The following TNKS variants were observed in gnomAD, a reference collection of about 807,000 sequenced individuals.
TNKS encodes tankyrase.
TNKS carries 72 observed loss-of-function variants against 135.8 expected under a neutral mutation model. The observed-to-expected ratio is 0.53, with a 90% confidence interval of 0.44 to 0.64. The LOEUF (loss-of-function observed/expected upper bound fraction) is 0.64. Ranked by LOEUF, TNKS falls within the 30% of genes least tolerant of loss-of-function variation. TNKS has a pLI of 0.00. For synonymous variants in TNKS, 849 were observed against 649.3 expected (o/e 1.31, Z -4.68); for missense variants, 1,769 against 1,674.0 (o/e 1.06, Z -0.99).
chr8:9,751,768 C>T lies in TNKS; in HGVS notation c.2992C>T (p.Pro998Ser). The change falls in exon 19 of 27, where the codon CCT becomes TCT. Residue 998 changes from proline (P) to serine (S), a missense_variant. Pro to Ser is a moderately conservative substitution (Grantham distance 74). Coordinates refer to ENST00000310430, the MANE Select transcript of TNKS (RefSeq NM_003747.3). ...CAGCAGCATAGACAACCTCACTGGC[C>T]CTTTAGCAGAGTTGGCCGTAGGAGG... ...AASSIDNLTG[P>S]LAELAVGGAS... 6.2e-7 allele frequency: 1 copy of T among 1,614,128 alleles called. No individual in the cohort carries two copies. Among genetic ancestry groups the T allele is most frequent in the South Asian group, 1.1e-5 (1 of 91,082 alleles).
Position 9,757,050 on chromosome 8 carries a change from C to T in TNKS, c.3153+4424C>T, listed in dbSNP as rs183660027. Among the ~76,000 whole-genome samples the T allele has an allele frequency of 4.9e-3, 747 of 152,272 alleles. 6 individuals carry two copies. The highest frequency in any genetic ancestry group is 9.1e-3 in the Non-Finnish European group (622 of 68,014). On this transcript the variant is annotated intron_variant, in intron 20 of 26. Coordinates refer to ENST00000310430, the MANE Select transcript of TNKS (RefSeq NM_003747.3). ...GGAGTGCAGTGGCGTGATCTCAGCTCACTGCAACCTCCGCCTCCCAGGTTC... is the reference window on the plus strand; with the variant it reads ...GGAGTGCAGTGGCGTGATCTCAGCTTACTGCAACCTCCGCCTCCCAGGTTC...
At chr8:9,766,774 G>A (rs536738361) in intron 25 of TNKS, among the ~76,000 whole-genome samples, 5 of 152,168 alleles carry the variant, frequency 3.3e-5, no homozygotes, top group South Asian at 2.1e-4. Context: ...ATGAGCCACC[G>A]TGCCCAGCCC....
At position 9,766,437 on chromosome 8, in the gene TNKS, G is replaced by A; in HGVS notation, c.3740+12G>A. 1.3e-6 allele frequency: 2 copies of A among 1,518,804 alleles called. No individual in the cohort carries two copies. The highest frequency in any genetic ancestry group is 1.8e-6 in the Non-Finnish European group (2 of 1,127,080). 94.1% of individuals were successfully genotyped at this position (1,518,804 alleles called of 1,614,324 possible). A position where few individuals can be genotyped will look rare whatever the true frequency, so the allele number is the denominator to read the frequency against. ...TATATATGTCACAGGTAAGCATCTTGCCATTAGTGTAACGTTTCCCACCCC... is the reference window on the plus strand; with the variant it reads ...TATATATGTCACAGGTAAGCATCTTACCATTAGTGTAACGTTTCCCACCCC... On this transcript the variant is annotated intron_variant, in intron 25 of 26. Transcript: ENST00000310430.
chr8:9,775,147 G>A (rs1403633228), intron 26 of TNKS, among the ~76,000 whole-genome samples: 2 of 152,070 alleles, frequency 1.3e-5, no homozygotes, highest in Non-Finnish European at 2.9e-5. Context: ...CAGTATGTGA[G>A]CTTTGCTAGA....
intron 26 of TNKS, 45 bp downstream of exon 26, chr8:9,770,307 C>A: frequency 1.3e-6 from 2 of 1,567,540 alleles, no homozygotes; most frequent in South Asian, 2.3e-5. Flanking sequence ...ACAAACATGT[C>A]AATAGAGCAC....
At chr8:9,584,294 G>A (rs1471856550) in intron 2 of TNKS, among the ~76,000 whole-genome samples, 1 of 151,998 alleles carries the variant, frequency 6.6e-6, no homozygotes, top group Non-Finnish European at 1.5e-5. Flanking sequence ...TCCTTGCTGA[G>A]AGGAATGCGG....
At position 9,678,106 on chromosome 8, in the gene TNKS, C is replaced by T. The variant is rs559151700; in HGVS notation, c.995-1845C>T. On this transcript the variant is annotated intron_variant, in intron 3 of 26. Transcript: ENST00000310430. ...CTGTCTCCTTTAATAGAATAATATTCCTTGAGGTCAGAGATGATAGTGTCT... is the reference window on the plus strand; with the variant it reads ...CTGTCTCCTTTAATAGAATAATATTTCTTGAGGTCAGAGATGATAGTGTCT... Among the ~76,000 whole-genome samples, 13 of 152,220 alleles carry T rather than the reference C, an allele frequency of 8.5e-5. No homozygotes were observed. The East Asian group carries it at 2.1e-3, about 25-fold the overall frequency.
intron 2 of TNKS, among the ~76,000 whole-genome samples, chr8:9,612,808 C>G (rs998309389): frequency 6.6e-6 from 1 of 151,788 alleles, no homozygotes. Context: ...TAATAGCCTA[C>G]TATTGACCAG....
intron 11 of TNKS, among the ~76,000 whole-genome samples, chr8:9,717,348 A>T (rs1000828855): frequency 4.6e-5 from 7 of 151,876 alleles, no homozygotes; most frequent in African/African-American, 1.7e-4. Context: ...CACCAAGGAT[A>T]ATGATGAATA....
chr8:9,777,086 T>G lies in TNKS; in HGVS notation c.*350T>G. 4.1e-6 allele frequency: 1 copy of G among 246,192 alleles called. No individual in the cohort carries two copies. Among genetic ancestry groups the G allele is most frequent in the Non-Finnish European group, 8.0e-6 (1 of 125,284 alleles). 15.3% of individuals were successfully genotyped at this position (246,192 alleles called of 1,614,324 possible). On this transcript the variant is annotated 3_prime_UTR_variant, in exon 27 of 27. Coordinates refer to ENST00000310430, the MANE Select transcript of TNKS (RefSeq NM_003747.3). ...AATGTTCACAATTCACACACTACAT[T>G]TGTTTTGTTATGCATGACGTGTCTA...
At chr8:9,646,442 T>G (rs1428252916) in intron 3 of TNKS, among the ~76,000 whole-genome samples, 3 of 152,186 alleles carry the variant, frequency 2.0e-5, no homozygotes, top group Non-Finnish European at 4.4e-5. Flanking sequence ...GTTTCACATC[T>G]GATTTCATTC....
At position 9,734,953 on chromosome 8, in the gene TNKS, T is replaced by C. The variant is rs1289015223; in HGVS notation, c.2402T>C (p.Leu801Pro). ...GGAGACACAGATATTCAGGACTTAC[T>C]GAGAGGGGATGCTGCTTTGTTGGAT... ...KEGDTDIQDL[L>P]RGDAALLDAA... is the part of the protein sequence containing the mutation. Residue 801 changes from leucine (L) to proline (P), a missense_variant, in exon 16 of 27, where the codon CTG (leucine) becomes CCG (proline). Transcript: ENST00000310430. The C allele has an allele frequency of 1.2e-6, 2 of 1,614,190 alleles. No individual in the cohort carries two copies. Among genetic ancestry groups the C allele is most frequent in the Non-Finnish European group, 1.7e-6 (2 of 1,180,030 alleles).
rs371565871 is a variant in TNKS at position 9,587,113 on chromosome 8, G to A, written c.898+6730G>A. Among the ~76,000 whole-genome samples the A allele has an allele frequency of 4.6e-5, 7 of 152,120 alleles. No individual in the cohort carries two copies. The East Asian group carries it at 9.7e-4, about 21-fold the overall frequency. Reference sequence around the variant, plus strand: ...GCTAACAGAAATTAAGGTTACAGATGGAATTTTGGTTGCTAATCAGTTAAT... The same window carrying A: ...GCTAACAGAAATTAAGGTTACAGATAGAATTTTGGTTGCTAATCAGTTAAT... On this transcript the variant is annotated intron_variant, in intron 2 of 26. Transcript: ENST00000310430.
At chr8:9,654,032 G>A (rs1428879220) in intron 3 of TNKS, among the ~76,000 whole-genome samples, 1 of 152,188 alleles carries the variant, frequency 6.6e-6, no homozygotes, top group Non-Finnish European at 1.5e-5. Context: ...TTTAGCTGCA[G>A]AGGTCTTTCC....
At chr8:9,728,262 A>G (rs1042637720) in intron 13 of TNKS, among the ~76,000 whole-genome samples, 2 of 152,204 alleles carry the variant, frequency 1.3e-5, no homozygotes, top group African/African-American at 4.8e-5. Flanking sequence ...TTTCTTCCCC[A>G]AGAGACTTTA....
At chr8:9,752,518 G>C in intron 19 of TNKS, 26 bp from the exon 20 acceptor site, 1 of 1,553,824 alleles carries the variant, frequency 6.4e-7, no homozygotes, top group South Asian at 1.1e-5. Context: ...TTCTTTCTGA[G>C]AATCTTTAAT....
intron 1 of TNKS, among the ~76,000 whole-genome samples, chr8:9,571,256 G>C (rs1289224492): frequency 2.0e-5 from 3 of 152,042 alleles, no homozygotes; most frequent in African/African-American, 7.2e-5. Flanking sequence ...GTATATATAG[G>C]TACCTATCTA....
intron 9 of TNKS, 121 bp downstream of exon 9, chr8:9,708,613 T>C: frequency 9.3e-7 from 1 of 1,077,776 alleles, no homozygotes; most frequent in Non-Finnish European, 1.2e-6. Flanking sequence ...AATTTGCATG[T>C]TAATTTTGGT....
intron 26 of TNKS, among the ~76,000 whole-genome samples, chr8:9,771,274 AGAGAGC>A: frequency 7.4e-6 from 1 of 135,948 alleles, no homozygotes; most frequent in East Asian, 2.5e-4. Context: ...AGGGAGGAAG[AGAGAGC>A]GAGGAAGGGA....
Sources: allele counts gnomAD v4.1 joint callset (sites outside exome capture counted in the v4.1 genomes callset), GRCh38; gene constraint gnomAD v4.1.1; transcripts MANE v1.5; gene names NCBI Gene and HGNC (gene_info 2026-07-23, HGNC 2026-07-21).